Variants in PAPSS1 observed in about 807,000 individuals in gnomAD.
PAPSS1 encodes the protein bifunctional 3'-phosphoadenosine 5'-phosphosulfate synthase 1.
In PAPSS1, 50 loss-of-function variants were observed where a neutral mutation model predicts 72.0. The ratio of observed to expected loss-of-function variants is 0.69; its 90% CI spans 0.55 to 0.88. PAPSS1 has a LOEUF of 0.88. Among genes scored for constraint, PAPSS1 ranks in the 40% least tolerant of loss-of-function variants. PAPSS1 has a pLI of 0.00. For synonymous variants in PAPSS1, 261 were observed against 263.6 expected (o/e 0.99, Z 0.09); for missense variants, 657 against 782.2 (o/e 0.84, Z 1.91).
At chr4:107,719,955 G>T (rs1484966668) in intron 1 of PAPSS1, 165 bp downstream of exon 1, 1 of 1,399,120 alleles carries the variant, frequency 7.1e-7, no homozygotes, top group South Asian at 1.6e-5. Context: ...CCTCTGCCTC[G>T]CAACCACCCA....
intron 5 of PAPSS1, among the ~76,000 whole-genome samples, chr4:107,668,027 A>G (rs1400727232): frequency 6.6e-6 from 1 of 152,212 alleles, no homozygotes; most frequent in Admixed American, 6.5e-5. Context: ...AATCCCAACT[A>G]CAGTTAGGGA....
chr4:107,617,941 T>C (rs996422437), intron 11 of PAPSS1, among the ~76,000 whole-genome samples: 1 of 152,022 alleles, frequency 6.6e-6, no homozygotes, highest in Non-Finnish European at 1.5e-5. Context: ...GGACTATGAC[T>C]TAAGGGGAAA....
chr4:107,694,975 C>CT (rs1413241313), intron 2 of PAPSS1, among the ~76,000 whole-genome samples: 2 of 151,068 alleles, frequency 1.3e-5, no homozygotes, highest in African/African-American at 4.9e-5. Context: ...GAAGAGAGGG[C>CT]TTTTTTTTGG....
intron 9 of PAPSS1, 102 bp downstream of exon 9, chr4:107,653,389 T>C: frequency 9.4e-7 from 1 of 1,066,792 alleles, no homozygotes; most frequent in Non-Finnish European, 1.4e-6. Flanking sequence ...CTGCTATATT[T>C]ACCTGTACTC....
chr4:107,640,643 A>G (rs1203726934), intron 10 of PAPSS1, among the ~76,000 whole-genome samples: 1 of 152,224 alleles, frequency 6.6e-6, no homozygotes, highest in African/African-American at 2.4e-5. Context: ...TCCTCGAGAA[A>G]GATACTTTTC....
At chr4:107,649,975 T>C (rs1387474457) in intron 9 of PAPSS1, among the ~76,000 whole-genome samples, 1 of 152,234 alleles carries the variant, frequency 6.6e-6, no homozygotes, top group Non-Finnish European at 1.5e-5. Context: ...CAATCACCGA[T>C]GTGTGTATTA....
intron 2 of PAPSS1, among the ~76,000 whole-genome samples, chr4:107,696,590 G>T (rs1017669993): frequency 1.3e-5 from 2 of 152,044 alleles, no homozygotes; most frequent in South Asian, 4.1e-4. Context: ...CCCAGTGGGG[G>T]TAGGTAGGGG....
chr4:107,635,132 T>C (rs1726336862), intron 10 of PAPSS1, among the ~76,000 whole-genome samples: 1 of 152,200 alleles, frequency 6.6e-6, no homozygotes, highest in Non-Finnish European at 1.5e-5. Context: ...TTTTCTAAAA[T>C]GTTTTATTTT....
At chr4:107,631,912 A>T in intron 10 of PAPSS1, 52 bp from the exon 11 acceptor site, 4 of 1,101,712 alleles carry the variant, frequency 3.6e-6, no homozygotes, top group Non-Finnish European at 5.3e-6. Flanking sequence ...CTATGTACTT[A>T]GAAATAGTAA....
intron 10 of PAPSS1, among the ~76,000 whole-genome samples, chr4:107,633,061 A>G (rs1404633881): frequency 6.6e-6 from 1 of 152,128 alleles, no homozygotes; most frequent in African/African-American, 2.4e-5. Flanking sequence ...GTTTCTACTG[A>G]TGTTTGCCTG....
At chr4:107,690,731 T>C (rs1301608407) in intron 3 of PAPSS1, among the ~76,000 whole-genome samples, 1 of 152,190 alleles carries the variant, frequency 6.6e-6, no homozygotes, top group Non-Finnish European at 1.5e-5. Flanking sequence ...GATTTTCAGA[T>C]GCCCTAAACA....
At chr4:107,691,250 T>C (rs1387997863) in intron 3 of PAPSS1, among the ~76,000 whole-genome samples, 1 of 152,166 alleles carries the variant, frequency 6.6e-6, no homozygotes, top group Non-Finnish European at 1.5e-5. Context: ...ATATAATTTA[T>C]TCCATTTATT....
At chr4:107,713,303 A>C (rs141790648) in intron 1 of PAPSS1, among the ~76,000 whole-genome samples, 377 of 152,290 alleles carry the variant, frequency 2.5e-3, no homozygotes, top group African/African-American at 8.7e-3. Flanking sequence ...CAGAAAGTAC[A>C]TTATTGGTTG....
chr4:107,703,716 GT>G (rs1317910302), intron 1 of PAPSS1, among the ~76,000 whole-genome samples: 3 of 152,112 alleles, frequency 2.0e-5, no homozygotes, highest in Non-Finnish European at 4.4e-5. Context: ...TGGTTTATAT[GT>G]TTGTTTCTGT....
At chr4:107,622,134 T>G (rs558452859) in intron 11 of PAPSS1, among the ~76,000 whole-genome samples, 1 of 152,286 alleles carries the variant, frequency 6.6e-6, no homozygotes, top group East Asian at 1.9e-4. Flanking sequence ...CATCAGGGCT[T>G]TAGAGAAAGA....
At chr4:107,701,808 G>T (rs1161637184) in intron 1 of PAPSS1, among the ~76,000 whole-genome samples, 1 of 152,166 alleles carries the variant, frequency 6.6e-6, no homozygotes, top group Non-Finnish European at 1.5e-5. Context: ...AAAGGAAACA[G>T]AGTGCCTCTT....
intron 5 of PAPSS1, among the ~76,000 whole-genome samples, chr4:107,681,707 G>T (rs1722619230): frequency 6.6e-6 from 1 of 152,252 alleles, no homozygotes; most frequent in Non-Finnish European, 1.5e-5. Context: ...CAAGTTACAG[G>T]ACTGAACAAT....
In PAPSS1 at chr4:107,659,596, G is replaced by A. The variant is rs1052352337; in HGVS notation, c.783+363C>T. 6.6e-5 allele frequency among the ~76,000 whole-genome samples: 10 copies of A among 152,218 alleles called. No homozygotes were observed. The East Asian group carries it at 1.5e-3, about 24-fold the overall frequency. ...GACAGAGAGAGTCAAGTTTTGGCAA[G>A]GGATTAGAAAACATGTCTGAAGGGG... On this transcript the variant is annotated intron_variant, in intron 6 of 11. Coordinates refer to ENST00000265174, the MANE Select transcript of PAPSS1 (RefSeq NM_005443.5).
At chr4:107,708,118 CAAT>C (rs1191625077) in intron 1 of PAPSS1, among the ~76,000 whole-genome samples, 4 of 152,160 alleles carry the variant, frequency 2.6e-5, no homozygotes, top group South Asian at 2.1e-4. Flanking sequence ...ATTATTTACA[CAAT>C]AATTATTAAT....
Sources: allele counts gnomAD v4.1 joint callset (sites outside exome capture counted in the v4.1 genomes callset), GRCh38; gene constraint gnomAD v4.1.1; transcripts MANE v1.5; gene names NCBI Gene and HGNC (gene_info 2026-07-23, HGNC 2026-07-21).